Variants in HERC4 observed in about 807,000 individuals in gnomAD.
HERC4 encodes HECT and RLD domain containing E3 ubiquitin protein ligase 4, also known as probable E3 ubiquitin-protein ligase HERC4.
HERC4 carries 28 observed loss-of-function variants against 124.3 expected under a neutral mutation model. The observed-to-expected ratio is 0.23, with a 90% CI of 0.17 to 0.31. The LOEUF is 0.31. HERC4 is among the 10% of genes least tolerant of loss of function. The pLI, the probability that HERC4 is intolerant of heterozygous loss-of-function variation, is 1.00. For synonymous variants in HERC4, 407 were observed against 421.5 expected, an observed-to-expected ratio of 0.97 and a Z score of 0.42; for missense variants, 713 against 1,229.3, an observed-to-expected ratio of 0.58 and a Z score of 6.28.
intron 9 of HERC4, chr10:68,010,236 C>T (rs576331787): frequency 4.1e-5 from 44 of 1,061,620 alleles, no homozygotes; most frequent in South Asian, 2.2e-4. Context: ...CCCAGAGTGG[C>T]GACAGAAACA....
chr10:68,049,221 T>C (rs2040163064), intron 3 of HERC4, among the ~76,000 whole-genome samples: 1 of 151,978 alleles, frequency 6.6e-6, no homozygotes, highest in South Asian at 2.1e-4. Flanking sequence ...AAACTACACA[T>C]TGTTATGAAA....
chr10:68,016,564 G>C (rs1463956258), intron 8 of HERC4, among the ~76,000 whole-genome samples: 1 of 152,092 alleles, frequency 6.6e-6, no homozygotes, highest in East Asian at 1.9e-4. Context: ...TGTTGGTCAG[G>C]ATGGTCTTGA....
intron 7 of HERC4, among the ~76,000 whole-genome samples, chr10:68,030,887 A>G (rs1293849946): frequency 1.3e-5 from 2 of 152,174 alleles, no homozygotes; most frequent in African/African-American, 4.8e-5. Flanking sequence ...TCTGTTTTTA[A>G]AAGTTGGTTT....
At chr10:68,036,746 C>T (rs937050778) in intron 5 of HERC4, among the ~76,000 whole-genome samples, 1 of 152,188 alleles carries the variant, frequency 6.6e-6, no homozygotes, top group Non-Finnish European at 1.5e-5. Flanking sequence ...TTCTTCTCAA[C>T]ATTTCTCCAA....
intron 3 of HERC4, chr10:68,069,145 A>G: frequency 1.0e-6 from 1 of 969,652 alleles, no homozygotes; most frequent in Non-Finnish European, 1.2e-6. Context: ...ATACACAGTA[A>G]GAAAAGGATC....
At chr10:67,991,738 A>G (rs1319344478) in intron 11 of HERC4, among the ~76,000 whole-genome samples, 1 of 152,226 alleles carries the variant, frequency 6.6e-6, no homozygotes, top group Non-Finnish European at 1.5e-5. Context: ...CACAAAGTAT[A>G]AAAGTTAAGA....
Position 68,059,620 on chromosome 10 carries a change from T to C in HERC4, c.226+13263A>G, listed in dbSNP as rs1453087247. On this transcript the variant is annotated intron_variant, in intron 3 of 24. Coordinates refer to ENST00000373700, the MANE Select transcript of HERC4 (RefSeq NM_015601.4). ...TATATCATAATATTATATATCATAATATTATATATCATAATATTATATATT... is the reference window on the plus strand; with the variant it reads ...TATATCATAATATTATATATCATAACATTATATATCATAATATTATATATT... 2.0e-5 allele frequency among the ~76,000 whole-genome samples: 2 copies of C among 100,496 alleles called. 1 individual carries two copies. The highest frequency in any genetic ancestry group is 3.5e-5 in the Non-Finnish European group (2 of 56,734). 65.9% of individuals were successfully genotyped at this position (100,496 alleles called of 152,430 possible). A position where few individuals can be genotyped will look rare whatever the true frequency, so the allele number is the denominator to read the frequency against.
At chr10:67,978,106 T>C (rs2035707275) in intron 15 of HERC4, among the ~76,000 whole-genome samples, 1 of 151,596 alleles carries the variant, frequency 6.6e-6, no homozygotes, top group African/African-American at 2.4e-5. Context: ...TGAAACCCCA[T>C]CTCTACTAAA....
In HERC4 at chr10:67,941,030, C is replaced by T; in HGVS notation, c.2413G>A (p.Asp805Asn). ...GLAIYNCTIV[D>N]LHFPLALYKK... ...TATAAAGCCAAAGGAAAATGGAGGTCCACAATGGTACAATTATAAATTGCT... is the reference window on the plus strand; with the variant it reads ...TATAAAGCCAAAGGAAAATGGAGGTTCACAATGGTACAATTATAAATTGCT... The change falls in exon 20 of 25, where the codon GAC becomes AAC. Residue 805 changes from aspartate to asparagine, a missense_variant. Asp to Asn is a conservative substitution (Grantham distance 23, BLOSUM62 1). Transcript: ENST00000373700. 6.2e-7 allele frequency: 1 copy of T among 1,611,096 alleles called. No homozygotes were observed. Among genetic ancestry groups the T allele is most frequent in the Non-Finnish European group, 8.5e-7 (1 of 1,178,418 alleles).
chr10:68,044,701 C>CTTT lies in HERC4; in HGVS notation c.227-139_227-138insAAA, dbSNP rs1037352822. The CTTT allele has an allele frequency of 4.1e-6, 3 of 727,862 alleles. No individual in the cohort carries two copies. The African/African-American group carries it at 5.4e-5, about 13-fold the overall frequency. The allele number at this position is 727,862 out of a possible 1,614,324, so 45.1% of individuals were successfully genotyped here. A position where few individuals can be genotyped will look rare whatever the true frequency, so the allele number is the denominator to read the frequency against. ...CAAACAAGCTAAAGAAATGCTTAAA[C>CTTT]ACACACTAGATATAACCAGTTATTT... On this transcript the variant is annotated intron_variant, in intron 3 of 24. Transcript: ENST00000373700.
At chr10:68,010,584 C>G in intron 9 of HERC4, 3 of 1,200,252 alleles carry the variant, frequency 2.5e-6, no homozygotes, top group Non-Finnish European at 3.6e-6. Flanking sequence ...GGTTCGCTTT[C>G]TCTTTCAGGC....
chr10:68,001,372 T>TAAA (rs11422072), intron 9 of HERC4, among the ~76,000 whole-genome samples: 1 of 147,060 alleles, frequency 6.8e-6, no homozygotes, highest in Non-Finnish European at 1.5e-5. Context: ...ACCTTGTATT[T>TAAA]AAAAAAAAAA....
At chr10:68,072,737 T>C (rs963447018) in intron 3 of HERC4, 146 bp downstream of exon 3, 3 of 565,790 alleles carry the variant, frequency 5.3e-6, no homozygotes, top group Admixed American at 7.2e-5. Flanking sequence ...CATACAAATA[T>C]ACACATATAA....
intron 8 of HERC4, among the ~76,000 whole-genome samples, chr10:68,021,258 G>A (rs995760711): frequency 1.3e-5 from 2 of 152,052 alleles, no homozygotes; most frequent in Admixed American, 6.6e-5. Flanking sequence ...ACACTAAAAG[G>A]GTTACATACT....
intron 13 of HERC4, 116 bp downstream of exon 13, chr10:67,990,787 TA>T: frequency 1.8e-6 from 1 of 562,504 alleles, no homozygotes; most frequent in Non-Finnish European, 3.1e-6. Flanking sequence ...AATCTTATTT[TA>T]AAAGCACATC....
intron 9 of HERC4, chr10:67,992,951 C>A: frequency 4.1e-6 from 1 of 244,118 alleles, no homozygotes; most frequent in Non-Finnish European, 7.7e-6. Context: ...AAAGCTTTTT[C>A]TAATCTGCAT....
At chr10:67,938,682 A>G (rs2032600259) in intron 21 of HERC4, among the ~76,000 whole-genome samples, 1 of 152,130 alleles carries the variant, frequency 6.6e-6, no homozygotes, top group African/African-American at 2.4e-5. Context: ...GCAGTGGCTC[A>G]TGCCTGTAAT....
At chr10:67,990,066 A>C (rs764404760) in intron 14 of HERC4, 145 bp downstream of exon 14, 37 of 591,132 alleles carry the variant, frequency 6.3e-5, no homozygotes, top group Non-Finnish European at 9.4e-5. Flanking sequence ...ACTAGACAAA[A>C]GCAAGAAAAG....
chr10:68,070,876 T>G (rs766577497), intron 3 of HERC4, among the ~76,000 whole-genome samples: 2 of 152,206 alleles, frequency 1.3e-5, no homozygotes, highest in Non-Finnish European at 2.9e-5. Context: ...GAATTAAATG[T>G]AAGCCTTCAT....
Sources: gnomAD v4.1 joint callset for allele counts (sites outside exome capture counted in the v4.1 genomes callset) on GRCh38, gnomAD v4.1.1 for gene constraint, MANE v1.5 for transcripts, NCBI Gene and HGNC (gene_info 2026-07-23, HGNC 2026-07-21) for gene names.